EXOC4: variants seen among roughly 807,000 people sequenced by gnomAD.
The protein encoded by EXOC4 is exocyst complex component 4.
Under a neutral mutation model 107.2 loss-of-function variants are expected in EXOC4, and 71 were observed. The observed-to-expected ratio is 0.66, with a 90% CI of 0.55 to 0.81. The LOEUF (loss-of-function observed/expected upper bound fraction) is 0.81, where lower values mean the gene tolerates loss of function less well. EXOC4 is among the 30% of genes least tolerant of loss of function. The probability of loss-of-function intolerance (pLI) is 0.00; values close to 1 mark genes in which losing one functional copy is unlikely to be tolerated. For missense variants in EXOC4, 1,108 were observed against 1,189.6 expected, an observed-to-expected ratio of 0.93 and a Z score of 1.01; for synonymous variants, 456 against 441.2, an observed-to-expected ratio of 1.03 and a Z score of -0.42.
intron 10 of EXOC4, among the ~76,000 whole-genome samples, chr7:133,800,321 T>A (rs574037734): frequency 6.8e-4 from 103 of 152,320 alleles, no homozygotes; most frequent in Non-Finnish European, 1.3e-3. Flanking sequence ...CTTCAATCAT[T>A]CTAATAGTTT....
At chr7:134,073,205 C>CAAA in the EXOC4 span, among the ~76,000 whole-genome samples, 3,759 of 22,520 alleles carry the variant, frequency 0.17, 1,099 homozygotes, top group East Asian at 0.33. Flanking sequence ...GACTTCCTCT[C>CAAA]AAAAAAAAAA....
chr7:133,542,700 T>G (rs2150933133), intron 9 of EXOC4, among the ~76,000 whole-genome samples: 1 of 152,096 alleles, frequency 6.6e-6, no homozygotes, highest in East Asian at 1.9e-4. Flanking sequence ...ACCCTTCATT[T>G]TGGGGGTATT....
chr7:133,902,161 A>T (rs747709573), intron 12 of EXOC4, among the ~76,000 whole-genome samples: 1 of 152,222 alleles, frequency 6.6e-6, no homozygotes, highest in Non-Finnish European at 1.5e-5. Context: ...TCTGTAATTT[A>T]CGTTGCTTTT....
intron 12 of EXOC4, among the ~76,000 whole-genome samples, chr7:133,899,572 A>C (rs1330656422): frequency 6.6e-6 from 1 of 152,172 alleles, no homozygotes; most frequent in African/African-American, 2.4e-5. Context: ...ATATGAAGAT[A>C]GCTATCATAG....
intron 9 of EXOC4, among the ~76,000 whole-genome samples, chr7:133,627,605 T>A (rs1230997157): frequency 1.3e-5 from 2 of 152,342 alleles, no homozygotes; most frequent in East Asian, 3.9e-4. Flanking sequence ...AGGAAATATG[T>A]TGTTAAAGAA....
At chr7:133,715,259 T>C (rs1794976258) in intron 10 of EXOC4, among the ~76,000 whole-genome samples, 1 of 152,220 alleles carries the variant, frequency 6.6e-6, no homozygotes, top group Admixed American at 6.5e-5. Context: ...GTAGTTCCCC[T>C]GCTTTAGCCT....
chr7:133,816,869 C>T (rs768044307), intron 10 of EXOC4, among the ~76,000 whole-genome samples: 4 of 152,162 alleles, frequency 2.6e-5, no homozygotes, highest in Non-Finnish European at 4.4e-5. Context: ...GGCTGCTCAC[C>T]ACCTGCTGTG....
intron 11 of EXOC4, among the ~76,000 whole-genome samples, chr7:133,872,328 A>G (rs938576705): frequency 1.3e-5 from 2 of 152,240 alleles, no homozygotes; most frequent in Admixed American, 6.5e-5. Context: ...CATCCAAGGC[A>G]GAAATGTGGT....
At chr7:133,520,382 G>A (rs1325588358) in intron 9 of EXOC4, among the ~76,000 whole-genome samples, 2 of 152,046 alleles carry the variant, frequency 1.3e-5, no homozygotes, top group Non-Finnish European at 2.9e-5. Flanking sequence ...AGTCCAGAAG[G>A]CATTTTGTAA....
At chr7:133,638,344 A>G (rs1339690667) in intron 10 of EXOC4, among the ~76,000 whole-genome samples, 1 of 152,188 alleles carries the variant, frequency 6.6e-6, no homozygotes, top group African/African-American at 2.4e-5. Context: ...TTCCAGGTCT[A>G]CATTCTTTAA....
In EXOC4 at chr7:133,659,721, A is replaced by C. The variant is rs1803393583; in HGVS notation, c.1514+29580A>C. ...ATTTCTATACATATTGAAGTTTACA[A>C]CCTGTTAGGGTCACATTGTCTCCCC... On this transcript the variant is annotated intron_variant, in intron 10 of 17. Coordinates refer to ENST00000253861, the MANE Select transcript of EXOC4 (RefSeq NM_021807.4). 1.3e-5 allele frequency among the ~76,000 whole-genome samples: 2 copies of C among 152,138 alleles called. 1 individual carries two copies. Among genetic ancestry groups the C allele is most frequent in the South Asian group, 4.1e-4 (2 of 4,836 alleles).
chr7:133,452,797 C>G (rs1407451942), intron 7 of EXOC4, among the ~76,000 whole-genome samples: 1 of 151,920 alleles, frequency 6.6e-6, no homozygotes, highest in Non-Finnish European at 1.5e-5. Context: ...TTTGTGTTCA[C>G]TCTGGGCAAA....
intron 7 of EXOC4, among the ~76,000 whole-genome samples, chr7:133,427,415 A>G (rs775057728): frequency 2.6e-5 from 4 of 152,190 alleles, no homozygotes; most frequent in Non-Finnish European, 5.9e-5. Flanking sequence ...TGAAACTATT[A>G]TCTTATGGAA....
At chr7:133,900,058 T>C (rs971537109) in intron 12 of EXOC4, among the ~76,000 whole-genome samples, 2 of 152,176 alleles carry the variant, frequency 1.3e-5, no homozygotes, top group African/African-American at 4.8e-5. Context: ...ACCATCACTT[T>C]CCTTGTTCAG....
intron 17 of EXOC4, among the ~76,000 whole-genome samples, chr7:134,021,955 G>C (rs1345359311): frequency 6.6e-6 from 1 of 152,090 alleles, no homozygotes; most frequent in East Asian, 1.9e-4. Context: ...ATTTTTAGTG[G>C]CTAGAGCCTT....
chr7:134,052,034 G>A (rs1468327676), intron 17 of EXOC4, among the ~76,000 whole-genome samples: 3 of 152,082 alleles, frequency 2.0e-5, no homozygotes, highest in African/African-American at 4.8e-5. Context: ...GTTGGGTTGA[G>A]GATGGAAAAC....
chr7:133,974,640 C>T (rs1297751680), intron 14 of EXOC4, among the ~76,000 whole-genome samples: 2 of 152,150 alleles, frequency 1.3e-5, no homozygotes, highest in African/African-American at 4.8e-5. Context: ...TTGTCCCATT[C>T]GGGAGATAGA....
At position 133,817,612 on chromosome 7, in the gene EXOC4, T is replaced by C; in HGVS notation, c.1734+68T>C. On this transcript the variant is annotated intron_variant, in intron 11 of 17. Transcript: ENST00000253861. ...CATTGACTTGGCAAGTGTCATAAAT[T>C]TAAAAAAGAAGAATTACCATCTGTT... 5 of 1,192,138 alleles carry C rather than the reference T, an allele frequency of 4.2e-6. No individual in the cohort carries two copies. The South Asian group carries it at 6.9e-5, about 16-fold the overall frequency. The allele number at this position is 1,192,138 out of a possible 1,614,324, so 73.8% of individuals were successfully genotyped here. A position where few individuals can be genotyped will look rare whatever the true frequency, so the allele number is the denominator to read the frequency against.
chr7:133,640,589 G>T (rs1360597413), intron 10 of EXOC4, among the ~76,000 whole-genome samples: 2 of 152,126 alleles, frequency 1.3e-5, no homozygotes, highest in Non-Finnish European at 2.9e-5. Flanking sequence ...TTGCGGTGGA[G>T]CAGTGTCCAG....
Sources: allele counts gnomAD v4.1 joint callset (sites outside exome capture counted in the v4.1 genomes callset), GRCh38; gene constraint gnomAD v4.1.1; transcripts MANE v1.5; gene names NCBI Gene and HGNC (gene_info 2026-07-23, HGNC 2026-07-21).